PRKAR1B: variants seen among roughly 807,000 people sequenced by gnomAD.
PRKAR1B encodes the protein protein kinase cAMP-dependent type I regulatory subunit beta.
Under a neutral mutation model 46.5 loss-of-function variants are expected in PRKAR1B, and 22 were observed. The ratio of observed to expected loss-of-function variants is 0.47; its 90% CI spans 0.34 to 0.68. The LOEUF (loss-of-function observed/expected upper bound fraction) is 0.68, where lower values mean the gene tolerates loss of function less well. PRKAR1B is among the 30% of genes least tolerant of loss of function. The pLI is 0.01. For missense variants in PRKAR1B, 445 were observed against 535.6 expected (o/e 0.83, Z 1.67); for synonymous variants, 259 against 217.7 (o/e 1.19, Z -1.67).
intron 9 of PRKAR1B, among the ~76,000 whole-genome samples, chr7:552,761 C>T (rs1784327741): frequency 6.6e-6 from 1 of 152,222 alleles, no homozygotes. Flanking sequence ...ATCTTTGTCA[C>T]AGGGCTGCCG....
chr7:608,614 GC>G (rs1562559482), intron 4 of PRKAR1B: 6 of 53,576 alleles, frequency 1.1e-4, no homozygotes, highest in East Asian at 9.7e-4. Flanking sequence ...GTGTGGCAGG[GC>G]TGTAGGGAGG....
intron 4 of PRKAR1B, among the ~76,000 whole-genome samples, chr7:651,716 C>A (rs999687130): frequency 6.9e-6 from 1 of 144,514 alleles, no homozygotes; most frequent in African/African-American, 2.6e-5. Flanking sequence ...AAACCCCTCT[C>A]GGAAGACAGT....
At chr7:588,073 C>A (rs1220094234) in intron 7 of PRKAR1B, among the ~76,000 whole-genome samples, 1 of 152,210 alleles carries the variant, frequency 6.6e-6, no homozygotes, top group African/African-American at 2.4e-5. Context: ...GTGGCCCTCC[C>A]CACTCGCTCC....
chr7:602,142 G>A lies in PRKAR1B; in HGVS notation c.549+4051C>T, dbSNP rs1781651419. 1.3e-5 allele frequency among the ~76,000 whole-genome samples: 2 copies of A among 152,090 alleles called. No homozygotes were observed. Among genetic ancestry groups the A allele is most frequent in the South Asian group, 2.1e-4 (1 of 4,822 alleles). On this transcript the variant is annotated intron_variant, in intron 6 of 10. Coordinates refer to ENST00000537384, the MANE Select transcript of PRKAR1B (RefSeq NM_001164760.2). This position sits in a 1 kb window ranked among gnomAD's most constrained non-coding sequence, Gnocchi z 6.4. Reference sequence around the variant, plus strand: ...ACTCAGGCTTCAGCCCCGACCCCACGCTAACTGGGCCAGGGCAGGGGCTGG... The same window carrying A: ...ACTCAGGCTTCAGCCCCGACCCCACACTAACTGGGCCAGGGCAGGGGCTGG...
chr7:582,403 T>A (rs1780238526), intron 8 of PRKAR1B, among the ~76,000 whole-genome samples: 2 of 152,234 alleles, frequency 1.3e-5, no homozygotes, highest in African/African-American at 4.8e-5. Flanking sequence ...CCAAGCTGCC[T>A]GCGGAGACAC....
At chr7:551,551 G>A in intron 9 of PRKAR1B, 81 bp from the exon 10 acceptor site, 1 of 1,386,200 alleles carries the variant, frequency 7.2e-7, no homozygotes, top group Non-Finnish European at 9.9e-7. Context: ...CCCCACAGGG[G>A]GTCACCACCC....
At chr7:596,504 T>C (rs1781273105) in intron 6 of PRKAR1B, among the ~76,000 whole-genome samples, 200 bp from the exon 7 acceptor site, 1 of 152,160 alleles carries the variant, frequency 6.6e-6, no homozygotes, top group African/African-American at 2.4e-5. Flanking sequence ...CCCCCAGCCC[T>C]GCTGAGAGCC....
rs1412729032 is a variant in PRKAR1B at position 607,238 on chromosome 7, C to A, written c.502+153G>T. 2.6e-5 allele frequency among the ~76,000 whole-genome samples: 4 copies of A among 151,912 alleles called. No individual in the cohort carries two copies. The highest frequency in any genetic ancestry group is 9.7e-5 in the African/African-American group (4 of 41,348). On this transcript the variant is annotated intron_variant, in intron 5 of 10. Coordinates refer to ENST00000537384, the MANE Select transcript of PRKAR1B (RefSeq NM_001164760.2). ...CTGGACCACCAGGCTGGTCTCGAAC[C>A]CCTGACCTCAGGTGATCTGCCCACC...
intron 9 of PRKAR1B, among the ~76,000 whole-genome samples, chr7:564,135 C>T (rs758530303): frequency 6.6e-6 from 1 of 152,142 alleles, no homozygotes; most frequent in Non-Finnish European, 1.5e-5. Flanking sequence ...ACGCAGCCAC[C>T]ACCCATCATT....
At chr7:583,428 A>ACT (rs1780337518) in intron 8 of PRKAR1B, among the ~76,000 whole-genome samples, 1 of 53,922 alleles carries the variant, frequency 1.9e-5, no homozygotes, top group African/African-American at 8.8e-5. Flanking sequence ...GCACACACGC[A>ACT]CACACCCACA....
At chr7:718,588 C>G (rs900050784) in intron 1 of PRKAR1B, among the ~76,000 whole-genome samples, 1 of 151,892 alleles carries the variant, frequency 6.6e-6, no homozygotes. Context: ...AACTCCTGAC[C>G]TCAGGTGATC....
intron 4 of PRKAR1B, among the ~76,000 whole-genome samples, chr7:642,599 C>A (rs1784443271): frequency 6.6e-6 from 1 of 151,186 alleles, no homozygotes; most frequent in South Asian, 2.1e-4. Context: ...GTGGCGGGCG[C>A]CTGTAGTCCC....
chr7:634,412 G>A (rs1240573743), intron 4 of PRKAR1B, among the ~76,000 whole-genome samples: 1 of 152,154 alleles, frequency 6.6e-6, no homozygotes, highest in Non-Finnish European at 1.5e-5. Context: ...CAGCAGGTTG[G>A]GGATGCAGTG....
intron 4 of PRKAR1B, among the ~76,000 whole-genome samples, chr7:630,330 G>C (rs1783663981): frequency 6.6e-6 from 1 of 152,194 alleles, no homozygotes; most frequent in African/African-American, 2.4e-5. Context: ...AGGTGGTCCT[G>C]TTGTCAAAAC....
intron 9 of PRKAR1B, among the ~76,000 whole-genome samples, chr7:556,499 G>C (rs71536289): frequency 1.3e-5 from 2 of 152,074 alleles, no homozygotes; most frequent in African/African-American, 4.8e-5. Context: ...TCAATAACGC[G>C]GAACAGTCTT....
At chr7:619,463 C>T (rs192042366) in intron 4 of PRKAR1B, among the ~76,000 whole-genome samples, 1 of 152,356 alleles carries the variant, frequency 6.6e-6, no homozygotes, top group East Asian at 1.9e-4. Context: ...TCCTCACATA[C>T]AAGTGGGAGC....
chr7:634,473 G>A (rs1485665288), intron 4 of PRKAR1B, among the ~76,000 whole-genome samples: 1 of 151,964 alleles, frequency 6.6e-6, no homozygotes, highest in Admixed American at 6.6e-5. Context: ...GCAAGACCCT[G>A]TCTCCAAAAA....
intron 9 of PRKAR1B, among the ~76,000 whole-genome samples, chr7:571,349 G>T (rs866897958): frequency 9.9e-5 from 15 of 152,274 alleles, no homozygotes; most frequent in Middle Eastern, 6.8e-3. Flanking sequence ...CTGTTTTGCA[G>T]GGGTCCCTTT....
chr7:688,880 G>T (rs1234348179), intron 2 of PRKAR1B, among the ~76,000 whole-genome samples: 9 of 152,254 alleles, frequency 5.9e-5, no homozygotes, highest in Non-Finnish European at 1.2e-4. Context: ...TAAATCTCTG[G>T]TGCTTAAAAC....
Sources: allele counts gnomAD v4.1 joint callset (sites outside exome capture counted in the v4.1 genomes callset), GRCh38; gene constraint gnomAD v4.1.1; non-coding constraint Gnocchi (gnomAD v3.1); transcripts MANE v1.5; gene names NCBI Gene and HGNC (gene_info 2026-07-23, HGNC 2026-07-21).